INPP5A: variants seen among roughly 807,000 people sequenced by gnomAD.
INPP5A encodes inositol polyphosphate-5-phosphatase A.
A neutral mutation model predicts 65.2 loss-of-function variants in INPP5A; 14 were observed. The ratio of observed to expected loss-of-function variants is 0.21; its 90% confidence interval spans 0.14 to 0.34. The LOEUF is 0.34. Ranked by LOEUF, INPP5A falls within the 10% of genes least tolerant of loss-of-function variation. The pLI is 1.00. For synonymous variants in INPP5A, 207 were observed against 208.3 expected (o/e 0.99, Z 0.05); for missense variants, 431 against 545.6 (o/e 0.79, Z 2.09).
At chr10:132,656,844 C>T (rs1159111207) in intron 4 of INPP5A, among the ~76,000 whole-genome samples, 1 of 152,222 alleles carries the variant, frequency 6.6e-6, no homozygotes, top group Non-Finnish European at 1.5e-5. Flanking sequence ...CCCTATGCAG[C>T]AGGGCTCCAC....
At chr10:132,742,659 G>A (rs549386427) in intron 9 of INPP5A, among the ~76,000 whole-genome samples, 3 of 152,132 alleles carry the variant, frequency 2.0e-5, no homozygotes, top group African/African-American at 2.4e-5. Context: ...TTACAGCCCC[G>A]TGAAACAAAA....
chr10:132,549,805 C>G lies in INPP5A; in HGVS notation c.75+11634C>G, dbSNP rs2071027469. 6.6e-6 allele frequency among the ~76,000 whole-genome samples: 1 copy of G among 152,244 alleles called. No homozygotes were observed. The highest frequency in any genetic ancestry group is 2.4e-5 in the African/African-American group (1 of 41,458). On this transcript the variant is annotated intron_variant, in intron 1 of 15. Coordinates refer to ENST00000368594, the MANE Select transcript of INPP5A (RefSeq NM_005539.5). The surrounding 1 kb of genome is among the most constrained non-coding windows in gnomAD (Gnocchi z 4.9). ...GGTCTGAATGGTGGGGTTGGTGTGT[C>G]TCTGTTACAGGATTGGTGTGACGTC...
At chr10:132,710,942 C>A (rs1845626725) in intron 8 of INPP5A, among the ~76,000 whole-genome samples, 1 of 152,140 alleles carries the variant, frequency 6.6e-6, no homozygotes, top group Non-Finnish European at 1.5e-5. Flanking sequence ...CTGGGAGGCA[C>A]ACTCTGCTCT....
chr10:132,780,391 C>A (rs986621219), intron 13 of INPP5A, among the ~76,000 whole-genome samples: 2 of 152,346 alleles, frequency 1.3e-5, no homozygotes, highest in Admixed American at 6.5e-5. Context: ...ATAGAACAGT[C>A]AAAAACAAAT....
rs1380972896 is a variant in INPP5A, at chr10:132,707,541, G to A, written c.475-772G>A. Among the ~76,000 whole-genome samples the A allele has an allele frequency of 6.6e-6, 1 of 152,210 alleles. No homozygotes were observed. The highest frequency in any genetic ancestry group is 1.5e-5 in the Non-Finnish European group (1 of 68,038). ...TTCAGTCATACACTTTGCACGCTCG[G>A]TGGCCCCGGTGGCTGGCCACTGCTG... On this transcript the variant is annotated intron_variant, in intron 6 of 15. Transcript: ENST00000368594. The surrounding 1 kb of genome is among the most constrained non-coding windows in gnomAD (Gnocchi z 5.5).
At chr10:132,602,492 G>C (rs1217543886) in intron 1 of INPP5A, among the ~76,000 whole-genome samples, 1 of 152,044 alleles carries the variant, frequency 6.6e-6, no homozygotes, top group Non-Finnish European at 1.5e-5. Flanking sequence ...ACAGGGTTTT[G>C]TCATGTTGGC....
At chr10:132,638,363 C>T (rs1472893980) in intron 2 of INPP5A, among the ~76,000 whole-genome samples, 1 of 152,166 alleles carries the variant, frequency 6.6e-6, no homozygotes, top group Non-Finnish European at 1.5e-5. Flanking sequence ...TCCGGACTTG[C>T]TGGCTGTGTG....
rs1282785736 is a variant in INPP5A, at chr10:132,537,840, A to G, written c.-257A>G. The G allele has an allele frequency of 8.5e-6, 3 of 354,894 alleles. No individual in the cohort carries two copies. Among genetic ancestry groups the G allele is most frequent in the African/African-American group, 4.3e-5 (2 of 46,424 alleles). 22.0% of individuals were successfully genotyped at this position (354,894 alleles called of 1,614,324 possible). ...CTGCGGGAACTTTCCCAGCGGATCTAATGGCTGCGCGCGGGCCGCTGTGAG... is the reference window on the plus strand; with the variant it reads ...CTGCGGGAACTTTCCCAGCGGATCTGATGGCTGCGCGCGGGCCGCTGTGAG... On this transcript the variant is annotated 5_prime_UTR_variant, in exon 1 of 16. Transcript: ENST00000368594.
rs935683460 is a variant in INPP5A at position 132,659,459 on chromosome 10, G to A, written c.306+8954G>A. On this transcript the variant is annotated intron_variant, in intron 4 of 15. Transcript: ENST00000368594. The surrounding 1 kb of genome is among the most constrained non-coding windows in gnomAD (Gnocchi z 5.5). ...GTCCCTGTGGGGTGCATCCACGGAC[G>A]CGGGTCTGGAGGCGCTGCTGTCTAA... is the stretch of plus-strand genomic sequence containing the variant. Among the ~76,000 whole-genome samples the A allele has an allele frequency of 3.3e-5, 5 of 152,202 alleles. No homozygotes were observed. The highest frequency in any genetic ancestry group is 1.9e-4 in the East Asian group (1 of 5,190).
At chr10:132,568,464 G>A (rs2071298620) in intron 1 of INPP5A, among the ~76,000 whole-genome samples, 1 of 151,992 alleles carries the variant, frequency 6.6e-6, no homozygotes, top group African/African-American at 2.4e-5. Context: ...AGTGGCTCAC[G>A]CCTGTAATCC....
chr10:132,661,795 A>T (rs537454035), intron 4 of INPP5A, among the ~76,000 whole-genome samples: 2 of 152,252 alleles, frequency 1.3e-5, no homozygotes, highest in South Asian at 2.1e-4. Flanking sequence ...TTGAATCTCA[A>T]TAATTAAATC....
At chr10:132,557,394 G>A (rs2071140973) in intron 1 of INPP5A, among the ~76,000 whole-genome samples, 2 of 152,392 alleles carry the variant, frequency 1.3e-5, no homozygotes, top group South Asian at 4.1e-4. Context: ...CACCTGCGCA[G>A]TGTCACCGTG....
intron 2 of INPP5A, among the ~76,000 whole-genome samples, chr10:132,635,386 A>ATTTTTTTTTTTTTTTTTTTTTTTTTTTTT (rs775271931): frequency 3.7e-5 from 2 of 54,500 alleles, no homozygotes; most frequent in Non-Finnish European, 3.0e-5. Flanking sequence ...CTTTTTAAAG[A>ATTTTTTTTTTTTTTTTTTTTTTTTTTTTT]TTTTTTTTTT....
At chr10:132,711,048 A>G (rs1845628515) in intron 8 of INPP5A, among the ~76,000 whole-genome samples, 3 of 152,178 alleles carry the variant, frequency 2.0e-5, no homozygotes, top group Admixed American at 6.5e-5. Context: ...CACCCTCACA[A>G]TGGACTTGGA....
intron 4 of INPP5A, among the ~76,000 whole-genome samples, chr10:132,668,852 G>A (rs932165596): frequency 6.6e-6 from 1 of 152,108 alleles, no homozygotes; most frequent in Admixed American, 6.5e-5. Flanking sequence ...TCCATCGCAC[G>A]ACCACCACTG....
Position 132,642,457 on chromosome 10 carries a change from C to T in INPP5A, c.118-3411C>T, listed in dbSNP as rs191905050. ...GCCAGCATAGCTGCAGTTTCTCCAC[C>T]GCCTTACTCCTGCCGTGACAGCCCA... On this transcript the variant is annotated intron_variant, in intron 2 of 15. Coordinates refer to ENST00000368594, the MANE Select transcript of INPP5A (RefSeq NM_005539.5). Among the ~76,000 whole-genome samples the T allele has an allele frequency of 2.7e-3, 410 of 152,356 alleles. 4 individuals are homozygous for T. The highest frequency in any genetic ancestry group is 1.4e-3 in the Non-Finnish European group (96 of 68,034).
At chr10:132,730,911 C>T (rs1846073038) in intron 9 of INPP5A, among the ~76,000 whole-genome samples, 1 of 152,202 alleles carries the variant, frequency 6.6e-6, no homozygotes, top group South Asian at 2.1e-4. Flanking sequence ...TAATTCAGAT[C>T]TGATAGAGCC....
chr10:132,593,433 A>T (rs1228839473), intron 1 of INPP5A, among the ~76,000 whole-genome samples: 1 of 152,202 alleles, frequency 6.6e-6, no homozygotes, highest in Non-Finnish European at 1.5e-5. Context: ...TTACTTCTCC[A>T]TCATTCTTCC....
At position 132,726,829 on chromosome 10, in the gene INPP5A, A is replaced by G; in HGVS notation, c.656A>G (p.Asp219Gly). ...ALGYVLDRIIDQRFEKVSYFV... is the reference protein window; with the variant it reads ...ALGYVLDRIIGQRFEKVSYFV... ...CCTCTTTTTCTTTCCAGAATCATTG[A>G]TCAGCGATTCGAGAAGGTTTCCTAC... Residue 219 changes from aspartate (D) to glycine (G), a missense_variant, in exon 9 of 16, where the codon GAT becomes GGT. Asp to Gly is a moderately conservative substitution (Grantham distance 94, BLOSUM62 -1). Transcript: ENST00000368594. The G allele has an allele frequency of 1.3e-6, 2 of 1,599,442 alleles. No individual in the cohort carries two copies. The highest frequency in any genetic ancestry group is 1.1e-5 in the South Asian group (1 of 89,926).
Sources: gnomAD v4.1 joint callset for allele counts (sites outside exome capture counted in the v4.1 genomes callset) on GRCh38, gnomAD v4.1.1 for gene constraint, Gnocchi (gnomAD v3.1) non-coding constraint, MANE v1.5 for transcripts, NCBI Gene and HGNC (gene_info 2026-07-23, HGNC 2026-07-21) for gene names.